The following AGPAT4 variants were observed in gnomAD, a reference collection of about 807,000 sequenced individuals.
AGPAT4 encodes 1-acylglycerol-3-phosphate O-acyltransferase 4.
Under a neutral mutation model 48.0 loss-of-function variants are expected in AGPAT4, and 15 were observed. The observed-to-expected ratio is 0.31, with a 90% CI of 0.21 to 0.48. The LOEUF is 0.48. Among genes scored for constraint, AGPAT4 ranks in the 20% least tolerant of loss-of-function variants. AGPAT4 has a pLI of 0.99. For missense variants in AGPAT4, 314 were observed against 482.5 expected, an observed-to-expected ratio of 0.65 and a Z score of 3.27; for synonymous variants, 178 against 198.7, an observed-to-expected ratio of 0.90 and a Z score of 0.88.
At chr6:161,265,922 A>G (rs1204557207) in intron 1 of AGPAT4, among the ~76,000 whole-genome samples, 2 of 152,204 alleles carry the variant, frequency 1.3e-5, no homozygotes, top group Non-Finnish European at 2.9e-5. Flanking sequence ...TCCCATGTAA[A>G]GTATTTCTTC....
Position 161,158,208 on chromosome 6 carries a change from G to T in AGPAT4, c.349-3898C>A, listed in dbSNP as rs1779815380. Among the ~76,000 whole-genome samples, 2 of 152,180 alleles carry T rather than the reference G, an allele frequency of 1.3e-5. No individual in the cohort carries two copies. Among genetic ancestry groups the T allele is most frequent in the African/African-American group, 4.8e-5 (2 of 41,450 alleles). The stretch of plus-strand genomic sequence containing the variant: ...TAACTCACTTATGACAAAGAGACTA[G>T]AAACTGCTATTAAGACATACTGACA... On this transcript the variant is annotated intron_variant, in intron 3 of 8. Transcript: ENST00000320285. This position sits in a 1 kb window ranked among gnomAD's most constrained non-coding sequence, Gnocchi z 5.3.
rs1027641031 is a variant in AGPAT4 at position 161,229,532 on chromosome 6, A to G, written c.178+2504T>C. Among the ~76,000 whole-genome samples, 2 of 152,128 alleles carry G rather than the reference A, an allele frequency of 1.3e-5. No homozygotes were observed. Among genetic ancestry groups the G allele is most frequent in the African/African-American group, 4.8e-5 (2 of 41,428 alleles). The stretch of plus-strand genomic sequence containing the variant: ...AATTGACAGAGGAAGTCTGTCAATT[A>G]TTTAGAGCAAGGAAAAGGAACCAGG... On this transcript the variant is annotated intron_variant, in intron 2 of 8. Transcript: ENST00000320285. This position sits in a 1 kb window ranked among gnomAD's most constrained non-coding sequence, Gnocchi z 6.0.
chr6:161,207,547 C>G (rs1781408698), intron 2 of AGPAT4, among the ~76,000 whole-genome samples: 1 of 152,242 alleles, frequency 6.6e-6, no homozygotes, highest in Non-Finnish European at 1.5e-5. Flanking sequence ...GTACAAAGCA[C>G]TGCTCTCTAT....
chr6:161,166,465 C>T lies in AGPAT4; in HGVS notation c.179-48G>A, dbSNP rs771429097. ...GATGTTTACTACATGCAGCCTTGTC[C>T]TGGGAGCCCTGCTGAGAGCAGGGCT... On this transcript the variant is annotated intron_variant, in intron 2 of 8. Transcript: ENST00000320285. This position sits in a 1 kb window ranked among gnomAD's most constrained non-coding sequence, Gnocchi z 6.7. 9.1e-6 allele frequency: 14 copies of T among 1,542,126 alleles called. No homozygotes were observed. Among genetic ancestry groups the T allele is most frequent in the African/African-American group, 1.4e-5 (1 of 72,742 alleles).
intron 5 of AGPAT4, 151 bp downstream of exon 5, chr6:161,153,194 AG>A: frequency 8.8e-7 from 1 of 1,130,356 alleles, no homozygotes; most frequent in East Asian, 2.6e-5. Context: ...CTTGGTTCCC[AG>A]TCACAGAGAC....
Position 161,166,350 on chromosome 6 carries a change from G to A in AGPAT4, c.246C>T (p.Tyr82=). 6.2e-7 allele frequency: 1 copy of A among 1,614,140 alleles called. No homozygotes were observed. The highest frequency in any genetic ancestry group is 1.1e-5 in the South Asian group (1 of 91,082). ...TGGCATTTTCCTTCCCATACTTGAGGTAGGCGCGCGGGTCCGTGAAGATGG... is the reference window on the plus strand; with the variant it reads ...TGGCATTTTCCTTCCCATACTTGAGATAGGCGCGCGGGTCCGTGAAGATGG... ...ECTIFTDPRA[Y]LKYGKENAIV... is the part of the protein sequence containing the mutation. The change falls in exon 3 of 9, where the codon TAC becomes TAT. Residue 82 remains tyrosine (Y), a synonymous_variant. Transcript: ENST00000320285. The surrounding 1 kb of genome is among the most constrained non-coding windows in gnomAD (Gnocchi z 6.7).
chr6:161,185,437 T>C (rs538537444), intron 2 of AGPAT4, among the ~76,000 whole-genome samples: 65 of 152,204 alleles, frequency 4.3e-4, no homozygotes, highest in African/African-American at 1.3e-3. Flanking sequence ...GCTACAGGCC[T>C]GAGCCACCAC....
In AGPAT4 at chr6:161,166,319, C is replaced by T. The variant is rs1780094669; in HGVS notation, c.277G>A (p.Val93Ile). The change falls in exon 3 of 9, where the codon GTT becomes ATT. Residue 93 changes from valine to isoleucine, a missense_variant. Physicochemically the swap from Val to Ile is conservative, Grantham distance 29. Transcript: ENST00000320285. The surrounding 1 kb of genome is among the most constrained non-coding windows in gnomAD (Gnocchi z 6.7). Reference sequence around the variant, plus strand: ...TCAATTTCAAACTTGTGGTTGAGAACCACGATGGCATTTTCCTTCCCATAC... The same window carrying T: ...TCAATTTCAAACTTGTGGTTGAGAATCACGATGGCATTTTCCTTCCCATAC... ...LKYGKENAIV[V>I]LNHKFEIDFL... 5 of 1,614,062 alleles carry T rather than the reference C, an allele frequency of 3.1e-6. No homozygotes were observed. Among genetic ancestry groups the T allele is most frequent in the African/African-American group, 1.3e-5 (1 of 74,910 alleles).
rs1781217880 is a variant in AGPAT4 at position 161,200,763 on chromosome 6, T to G, written c.178+31273A>C. On this transcript the variant is annotated intron_variant, in intron 2 of 8. Coordinates refer to ENST00000320285, the MANE Select transcript of AGPAT4 (RefSeq NM_020133.3). The surrounding 1 kb of genome is among the most constrained non-coding windows in gnomAD (Gnocchi z 5.5). ...TCCATCTGTTCCTGAAGCCATACGG[T>G]CCATGTGTTACACTGCCCCCGCAGG... Among the ~76,000 whole-genome samples, 1 of 152,172 alleles carries G rather than the reference T, an allele frequency of 6.6e-6. No homozygotes were observed. The highest frequency in any genetic ancestry group is 1.5e-5 in the Non-Finnish European group (1 of 68,022).
Position 161,143,686 on chromosome 6 carries a change from A to G in AGPAT4, c.843+2838T>C, listed in dbSNP as rs1003005175. Among the ~76,000 whole-genome samples the G allele has an allele frequency of 1.3e-5, 2 of 152,238 alleles. No individual in the cohort carries two copies. The highest frequency in any genetic ancestry group is 4.8e-5 in the African/African-American group (2 of 41,464). ...CACGAGTCCCAAATGCTGACGAGCA[A>G]GAAATACTGTGCATTTTTCATAAAG... On this transcript the variant is annotated intron_variant, in intron 7 of 8. Transcript: ENST00000320285. This position sits in a 1 kb window ranked among gnomAD's most constrained non-coding sequence, Gnocchi z 4.7.
rs992000186 is a variant in AGPAT4, at chr6:161,272,444, T to C, written c.-90+1494A>G. On this transcript the variant is annotated intron_variant, in intron 1 of 8. Transcript: ENST00000320285. The surrounding 1 kb of genome is among the most constrained non-coding windows in gnomAD (Gnocchi z 4.2). The stretch of plus-strand genomic sequence containing the variant: ...CCCATCAGAAGAATGGTATCCCTTA[T>C]CAAACGCTTCCTTAGACGTACTGAA... 3.3e-5 allele frequency among the ~76,000 whole-genome samples: 5 copies of C among 152,214 alleles called. No individual in the cohort carries two copies. Among genetic ancestry groups the C allele is most frequent in the African/African-American group, 7.2e-5 (3 of 41,454 alleles).
chr6:161,200,274 T>A lies in AGPAT4; in HGVS notation c.178+31762A>T, dbSNP rs79470610. Among the ~76,000 whole-genome samples the A allele has an allele frequency of 6.4e-3, 973 of 152,360 alleles. 10 individuals are homozygous for A. Among genetic ancestry groups the A allele is most frequent in the African/African-American group, 0.023 (936 of 41,582 alleles). The stretch of plus-strand genomic sequence containing the variant: ...TAATGAGTGAACATTTACCTATTGA[T>A]TACTCATGTAGAAAGCATTCGATAA... On this transcript the variant is annotated intron_variant, in intron 2 of 8. Transcript: ENST00000320285. This position sits in a 1 kb window ranked among gnomAD's most constrained non-coding sequence, Gnocchi z 5.5.
chr6:161,139,564 C>T lies in AGPAT4; in HGVS notation c.900G>A (p.Val300=). ...RTGTFPETPM[V]PPRRPWTLVN... is the part of the protein sequence containing the mutation. ...CGAGGGTCCAGGGCCGCCGGGGGGG[C>T]ACCATGGGCGTCTCTGGGAAGGTGC... The change falls in exon 8 of 9, where the codon GTG becomes GTA. Residue 300 remains valine (V), a synonymous_variant. Coordinates refer to ENST00000320285, the MANE Select transcript of AGPAT4 (RefSeq NM_020133.3). The surrounding 1 kb of genome is among the most constrained non-coding windows in gnomAD (Gnocchi z 9.1). 6.2e-7 allele frequency: 1 copy of T among 1,613,888 alleles called. No homozygotes were observed. The highest frequency in any genetic ancestry group is 8.5e-7 in the Non-Finnish European group (1 of 1,179,896).
At chr6:161,265,047 G>A (rs1783210283) in intron 1 of AGPAT4, among the ~76,000 whole-genome samples, 1 of 152,180 alleles carries the variant, frequency 6.6e-6, no homozygotes, top group South Asian at 2.1e-4. Flanking sequence ...ATGCTAGGAG[G>A]CAAATTAATA....
chr6:161,162,627 CTTG>C (rs1562319109), intron 3 of AGPAT4, among the ~76,000 whole-genome samples: 1 of 152,204 alleles, frequency 6.6e-6, no homozygotes, highest in East Asian at 1.9e-4. Flanking sequence ...TTATGACACG[CTTG>C]TTGTTTTAAG....
At position 161,195,567 on chromosome 6, in the gene AGPAT4, T is replaced by C. The variant is rs1157867541; in HGVS notation, c.179-29150A>G. ...TGTAACAGTTCACTCAGCAAGCCCATGATGCCTGTAGTATAAAAGCAAATG... is the reference window on the plus strand; with the variant it reads ...TGTAACAGTTCACTCAGCAAGCCCACGATGCCTGTAGTATAAAAGCAAATG... On this transcript the variant is annotated intron_variant, in intron 2 of 8. Coordinates refer to ENST00000320285, the MANE Select transcript of AGPAT4 (RefSeq NM_020133.3). This position sits in a 1 kb window ranked among gnomAD's most constrained non-coding sequence, Gnocchi z 5.0. 6.6e-6 allele frequency among the ~76,000 whole-genome samples: 1 copy of C among 152,214 alleles called. No individual in the cohort carries two copies. Among genetic ancestry groups the C allele is most frequent in the Non-Finnish European group, 1.5e-5 (1 of 68,048 alleles).
rs1778885613 is a variant in AGPAT4 at position 161,131,048 on chromosome 6, G to A, written c.*5492C>T. On this transcript the variant is annotated 3_prime_UTR_variant, in exon 9 of 9. Transcript: ENST00000320285. ...ATTATTATGCAGCAATCTTAACTTT[G>A]TGTACATACCACTCACCTCCCTTAA... 2.7e-6 allele frequency: 1 copy of A among 372,754 alleles called. No homozygotes were observed. Among genetic ancestry groups the A allele is most frequent in the Non-Finnish European group, 5.6e-6 (1 of 179,422 alleles). The allele number at this position is 372,754 out of a possible 1,614,324, so 23.1% of individuals were successfully genotyped here.
chr6:161,207,493 C>T (rs183038690), intron 2 of AGPAT4, among the ~76,000 whole-genome samples: 2 of 152,144 alleles, frequency 1.3e-5, no homozygotes, highest in African/African-American at 4.8e-5. Context: ...AAGTGTAGTG[C>T]AAGGAATTTA....
chr6:161,155,913 G>T lies in AGPAT4; in HGVS notation c.349-1603C>A, dbSNP rs564529321. Among the ~76,000 whole-genome samples, 1 of 152,378 alleles carries T rather than the reference G, an allele frequency of 6.6e-6. No individual in the cohort carries two copies. The highest frequency in any genetic ancestry group is 2.4e-5 in the African/African-American group (1 of 41,590). On this transcript the variant is annotated intron_variant, in intron 3 of 8. Coordinates refer to ENST00000320285, the MANE Select transcript of AGPAT4 (RefSeq NM_020133.3). The surrounding 1 kb of genome is among the most constrained non-coding windows in gnomAD (Gnocchi z 5.8). The stretch of plus-strand genomic sequence containing the variant: ...GGGGCCACAGACTAAAGCAGCAGCT[G>T]TTGGCCCTGGGAAGGTGAGAGGTCC...
Sources: allele counts gnomAD v4.1 joint callset (sites outside exome capture counted in the v4.1 genomes callset), GRCh38; gene constraint gnomAD v4.1.1; non-coding constraint Gnocchi (gnomAD v3.1); transcripts MANE v1.5; gene names NCBI Gene and HGNC (gene_info 2026-07-23, HGNC 2026-07-21).